Variants in ADAMTSL1 observed in about 807,000 individuals in gnomAD.
ADAMTSL1 encodes ADAMTS-like protein 1.
ADAMTSL1 carries 126 observed loss-of-function variants against 201.8 expected under a neutral mutation model. That is an observed-to-expected ratio of 0.62 (90% CI 0.54 to 0.72). The LOEUF (loss-of-function observed/expected upper bound fraction) is 0.72, where lower values mean the gene tolerates loss of function less well. Among genes scored for constraint, ADAMTSL1 ranks in the 30% least tolerant of loss-of-function variants. ADAMTSL1 has a pLI of 0.00. For synonymous variants in ADAMTSL1, 1,121 were observed against 903.4 expected, an observed-to-expected ratio of 1.24 and a Z score of -4.32; for missense variants, 2,679 against 2,277.8, an observed-to-expected ratio of 1.18 and a Z score of -3.59.
intron 1 of ADAMTSL1, among the ~76,000 whole-genome samples, chr9:18,095,438 T>G (rs957723730): frequency 1.4e-5 from 2 of 144,360 alleles, no homozygotes; most frequent in Admixed American, 1.4e-4. Flanking sequence ...TTTTTTTTTT[T>G]TTGACACAGA....
At chr9:18,775,156 T>C (rs1415312936) in intron 17 of ADAMTSL1, among the ~76,000 whole-genome samples, 1 of 152,218 alleles carries the variant, frequency 6.6e-6, no homozygotes, top group Non-Finnish European at 1.5e-5. Context: ...TAACAATGCA[T>C]TTGGGATTTT....
In ADAMTSL1 at chr9:18,063,049, C is replaced by A. The variant is rs554373419; in HGVS notation, c.88-100813C>A. Reference sequence around the variant, plus strand: ...TTTCATATTACAAAAAAGTTTGTTGCCGGGTGTGGTAGCTCATGTCTGTAA... The same window carrying A: ...TTTCATATTACAAAAAAGTTTGTTGACGGGTGTGGTAGCTCATGTCTGTAA... On this transcript the variant is annotated intron_variant, in intron 1 of 29. Coordinates refer to the ADAMTSL1 transcript ENST00000680146. Among the ~76,000 whole-genome samples the A allele has an allele frequency of 3.9e-5, 6 of 152,154 alleles. No homozygotes were observed. The South Asian group carries it at 1.2e-3, about 32-fold the overall frequency.
intron 1 of ADAMTSL1, among the ~76,000 whole-genome samples, chr9:18,015,979 T>A (rs1030147008): frequency 1.3e-5 from 2 of 152,068 alleles, no homozygotes; most frequent in African/African-American, 4.8e-5. Flanking sequence ...AGCTAAGTGA[T>A]TGGCTTCTTT....
chr9:18,538,591 G>A (rs1016071453), intron 3 of ADAMTSL1, among the ~76,000 whole-genome samples: 4 of 152,078 alleles, frequency 2.6e-5, no homozygotes, highest in African/African-American at 9.7e-5. Context: ...TCATAGCAAG[G>A]GATAAAGTAG....
Position 18,373,341 on chromosome 9 carries a change from C to T in ADAMTSL1, c.208-131488C>T, listed in dbSNP as rs144511490. Among the ~76,000 whole-genome samples, 216 of 152,288 alleles carry T rather than the reference C, an allele frequency of 1.4e-3. 1 individual carries two copies. Among genetic ancestry groups the T allele is most frequent in the African/African-American group, 4.8e-3 (198 of 41,558 alleles). ...ATTTATAAATGTGAAAAAAATGTGG[C>T]ATCATTTAATGAAATTACTTAATCC... is the stretch of plus-strand genomic sequence containing the variant. On this transcript the variant is annotated intron_variant, in intron 2 of 29. Coordinates refer to the ADAMTSL1 transcript ENST00000680146.
chr9:18,687,159 G>A (rs1053499879), intron 13 of ADAMTSL1, among the ~76,000 whole-genome samples: 1 of 152,080 alleles, frequency 6.6e-6, no homozygotes, highest in Non-Finnish European at 1.5e-5. Context: ...TGTAATGAAA[G>A]GTATATGGTT....
intron 3 of ADAMTSL1, among the ~76,000 whole-genome samples, chr9:18,550,688 A>T (rs1820747414): frequency 6.6e-6 from 1 of 151,984 alleles, no homozygotes; most frequent in Non-Finnish European, 1.5e-5. Context: ...GCCATGCTTT[A>T]TCTGGGTGTC....
intron 2 of ADAMTSL1, among the ~76,000 whole-genome samples, chr9:18,302,139 G>C (rs1015773919): frequency 6.6e-6 from 1 of 152,156 alleles, no homozygotes; most frequent in Non-Finnish European, 1.5e-5. Flanking sequence ...TTGGGTTGCT[G>C]TTGTACTTTG....
At chr9:18,268,905 T>C (rs1832243802) in intron 2 of ADAMTSL1, among the ~76,000 whole-genome samples, 1 of 152,110 alleles carries the variant, frequency 6.6e-6, no homozygotes, top group African/African-American at 2.4e-5. Flanking sequence ...CCTTAAAAAA[T>C]GAACATGTAT....
intron 2 of ADAMTSL1, among the ~76,000 whole-genome samples, chr9:18,317,654 C>T (rs1478277267): frequency 6.6e-6 from 1 of 152,196 alleles, no homozygotes; most frequent in East Asian, 1.9e-4. Context: ...CCTTTAGTCC[C>T]CATCTTCACC....
chr9:18,453,357 A>T (rs890200122), intron 2 of ADAMTSL1, among the ~76,000 whole-genome samples: 10 of 152,146 alleles, frequency 6.6e-5, no homozygotes, highest in African/African-American at 2.4e-4. Flanking sequence ...AGGGGCAGCC[A>T]TGAAGCTCTG....
intron 2 of ADAMTSL1, among the ~76,000 whole-genome samples, chr9:18,313,496 T>A (rs1013508093): frequency 6.6e-6 from 1 of 152,136 alleles, no homozygotes; most frequent in Non-Finnish European, 1.5e-5. Flanking sequence ...GGGTCAAACC[T>A]CCAGAGATTT....
At chr9:18,030,245 T>C (rs1163622797) in intron 1 of ADAMTSL1, among the ~76,000 whole-genome samples, 1 of 152,120 alleles carries the variant, frequency 6.6e-6, no homozygotes, top group Non-Finnish European at 1.5e-5. Flanking sequence ...TTGTCCTTTG[T>C]AGGGACATGG....
intron 1 of ADAMTSL1, among the ~76,000 whole-genome samples, chr9:17,960,382 C>T (rs1182312819): frequency 2.0e-5 from 3 of 152,138 alleles, no homozygotes; most frequent in African/African-American, 7.2e-5. Context: ...TAGCTAAGGA[C>T]TTGAGATTCT....
intron 1 of ADAMTSL1, among the ~76,000 whole-genome samples, chr9:18,064,856 A>T (rs1309064986): frequency 2.6e-5 from 4 of 151,662 alleles, no homozygotes; most frequent in African/African-American, 9.7e-5. Context: ...TTGAGTCAAG[A>T]CATTGGAACA....
At chr9:17,972,214 C>T (rs1457394122) in intron 1 of ADAMTSL1, among the ~76,000 whole-genome samples, 1 of 143,896 alleles carries the variant, frequency 6.9e-6, no homozygotes, top group Non-Finnish European at 1.5e-5. Context: ...GCACAATGTG[C>T]AGGTTTGTTA....
chr9:18,388,156 T>A (rs72686877), intron 2 of ADAMTSL1, among the ~76,000 whole-genome samples: 17,961 of 152,102 alleles, frequency 0.12, 1,317 homozygotes, highest in South Asian at 0.29. Context: ...ATTTTACACA[T>A]TTTTTTGTAA....
In ADAMTSL1 at chr9:17,913,250, G is replaced by C. The variant is rs545274419; in HGVS notation, c.87+6328G>C. 2.6e-5 allele frequency among the ~76,000 whole-genome samples: 4 copies of C among 152,174 alleles called. No individual in the cohort carries two copies. The South Asian group carries it at 6.2e-4, about 24-fold the overall frequency. ...CTGTGAAGAAAGTCCTTGGTAGCTTGATGGGGATGGCATTGAATCTATAAA... is the reference window on the plus strand; with the variant it reads ...CTGTGAAGAAAGTCCTTGGTAGCTTCATGGGGATGGCATTGAATCTATAAA... On this transcript the variant is annotated intron_variant, in intron 1 of 29. Coordinates refer to the ADAMTSL1 transcript ENST00000680146.
In ADAMTSL1 at chr9:18,753,454, A is replaced by G. The variant is rs111979267; in HGVS notation, c.2163A>G (p.Gln721=). 1.4e-3 allele frequency: 2,243 copies of G among 1,613,566 alleles called. 17 individuals carry two copies. In the African/African-American group the frequency reaches 0.019, roughly 14 times the overall value. The change falls in exon 16 of 29, where the codon CAA becomes CAG. Residue 721 remains glutamine, a synonymous_variant. Transcript: ENST00000380548. Reference sequence around the variant, plus strand: ...GCCAGCCCAAGCCCAGCACGGTGCAAGCTTGTAACCGCTTTAATTGCCCCC... The same window carrying G: ...GCCAGCCCAAGCCCAGCACGGTGCAGGCTTGTAACCGCTTTAATTGCCCCC... The part of the protein sequence containing the change: ...LCRQPKPSTV[Q]ACNRFNCPPA...
Sources: gnomAD v4.1 joint callset for allele counts (sites outside exome capture counted in the v4.1 genomes callset) on GRCh38, gnomAD v4.1.1 for gene constraint, MANE v1.5 for transcripts, NCBI Gene and HGNC (gene_info 2026-07-23, HGNC 2026-07-21) for gene names.